PPEF1: variants seen among roughly 807,000 people sequenced by gnomAD.
The protein encoded by PPEF1 is serine/threonine-protein phosphatase with EF-hands 1.
Under a neutral mutation model 53.3 loss-of-function variants are expected in PPEF1, and 12 were observed. The ratio of observed to expected loss-of-function variants is 0.23; its 90% CI spans 0.14 to 0.36. PPEF1 has a LOEUF of 0.36. PPEF1 is among the 10% of genes least tolerant of loss of function. PPEF1 has a pLI of 1.00. For synonymous variants in PPEF1, 165 were observed against 176.7 expected (o/e 0.93, Z 0.52); for missense variants, 334 against 490.4 (o/e 0.68, Z 3.01).
At chrX:18,806,019 G>A (rs2046654109) in intron 11 of PPEF1, among the ~76,000 whole-genome samples, 1 of 109,771 alleles carries the variant, frequency 9.1e-6, no homozygotes, top group Non-Finnish European at 1.9e-5. Flanking sequence ...GAAAAAAACC[G>A]AAGTACCAGA....
chrX:18,692,878 T>G (rs191736383), intron 4 of PPEF1, among the ~76,000 whole-genome samples: 2 of 111,983 alleles, frequency 1.8e-5, no homozygotes, highest in African/African-American at 6.5e-5. Context: ...TTTTTTCACA[T>G]TTTAGCAGCT....
chrX:18,820,385 ACT>A (rs1224434793), intron 13 of PPEF1, among the ~76,000 whole-genome samples: 2 of 76,732 alleles, frequency 2.6e-5, no homozygotes, highest in African/African-American at 9.0e-5. Flanking sequence ...AGATTAGCAG[ACT>A]CTTTTTTTTT....
At chrX:18,740,704 C>T (rs112926629) in intron 3 of PPEF1, among the ~76,000 whole-genome samples, 39 of 111,527 alleles carry the variant, frequency 3.5e-4, no homozygotes, top group African/African-American at 1.0e-3. Flanking sequence ...CCACTGCACC[C>T]GGCCTCTCTT....
chrX:18,778,870 G>A, intron 6 of PPEF1, 140 bp from the exon 7 acceptor site: 1 of 616,627 alleles, frequency 1.6e-6, no homozygotes, highest in Non-Finnish European at 2.4e-6. Flanking sequence ...ACTGGCTCAA[G>A]CGAGAGAGCA....
intron 8 of PPEF1, among the ~76,000 whole-genome samples, chrX:18,783,253 G>A (rs1275142095): frequency 9.1e-6 from 1 of 109,878 alleles, no homozygotes; most frequent in African/African-American, 3.3e-5. Context: ...AACTGGCCCC[G>A]GGATGAGGAG....
chrX:18,827,649 C>G lies in PPEF1; in HGVS notation c.*162C>G, dbSNP rs1488314639. 2.2e-6 allele frequency: 1 copy of G among 455,097 alleles called. No individual in the cohort carries two copies. The highest frequency in any genetic ancestry group is 2.5e-5 in the African/African-American group (1 of 40,612). 37.5% of individuals were successfully genotyped at this position (455,097 alleles called of 1,213,427 possible). A position where few individuals can be genotyped will look rare whatever the true frequency, so the allele number is the denominator to read the frequency against. ...TAGTATGGGTTTTGGAAGTCCCTAG[C>G]AAGCTGTTATTGGTAAGATTAGGTT... On this transcript the variant is annotated 3_prime_UTR_variant, in exon 16 of 16. Coordinates refer to ENST00000470157, the MANE Select transcript of PPEF1 (RefSeq NM_001377996.1).
At chrX:18,735,415 T>C (rs2044952099) in intron 3 of PPEF1, among the ~76,000 whole-genome samples, 1 of 112,053 alleles carries the variant, frequency 8.9e-6, no homozygotes, top group Admixed American at 9.5e-5. Context: ...GTTTGTCAGG[T>C]TTGTCAAATA....
chrX:18,760,430 G>A (rs1398041975), intron 5 of PPEF1, among the ~76,000 whole-genome samples: 2 of 110,767 alleles, frequency 1.8e-5, no homozygotes, highest in African/African-American at 6.6e-5. Context: ...TTAAAAACAC[G>A]GCTTTAAAAA....
Position 18,827,555 on chromosome X carries a change from C to A in PPEF1, c.*68C>A. The A allele has an allele frequency of 2.3e-6, 2 of 868,817 alleles. No individual in the cohort carries two copies. Among genetic ancestry groups the A allele is most frequent in the African/African-American group, 2.0e-5 (1 of 50,122 alleles). 71.6% of individuals were successfully genotyped at this position (868,817 alleles called of 1,213,427 possible). On this transcript the variant is annotated 3_prime_UTR_variant, in exon 16 of 16. Coordinates refer to ENST00000470157, the MANE Select transcript of PPEF1 (RefSeq NM_001377996.1). ...CCCAAATCACAAGTACAGTCCTTTC[C>A]AACACCCCTGAAATTCATAGTCAGT...
chrX:18,680,554 G>A (rs2096255850), upstream of PPEF1, among the ~76,000 whole-genome samples: 1 of 105,769 alleles, frequency 9.5e-6, no homozygotes, highest in African/African-American at 3.4e-5. Context: ...TCAGCATCCC[G>A]AGTAGCTGGG....
chrX:18,789,267 G>C lies in PPEF1; in HGVS notation c.1059G>C (p.Trp353Cys). ...SPTEHLTEHE[W>C]EQIIDILWSD... ...CTGAACACTTAACAGAGCATGAATG[G>C]GAACAGGTAGGTAATCAGGGTGTTC... Residue 353 changes from tryptophan to cysteine, a missense_variant, in exon 10 of 16, where the codon TGG becomes TGC. Physicochemically the swap from Trp to Cys is radical, Grantham distance 215 (BLOSUM62 -2). Transcript: ENST00000470157. The C allele has an allele frequency of 8.3e-7, 1 of 1,207,753 alleles. No individual in the cohort carries two copies. The highest frequency in any genetic ancestry group is 1.7e-5 in the African/African-American group (1 of 57,752).
At chrX:18,792,487 G>A (rs1451144395) in intron 10 of PPEF1, among the ~76,000 whole-genome samples, 7 of 110,570 alleles carry the variant, frequency 6.3e-5, no homozygotes, top group Admixed American at 3.8e-4. Context: ...TATCTAATTT[G>A]TTGACCTAAA....
At chrX:18,724,886 T>G (rs2044671759) in intron 1 of PPEF1, among the ~76,000 whole-genome samples, 1 of 110,982 alleles carries the variant, frequency 9.0e-6, no homozygotes, top group African/African-American at 3.3e-5. Flanking sequence ...AGCTGGCTAG[T>G]GCTGTCCTGT....
intron 10 of PPEF1, 83 bp downstream of exon 10, chrX:18,789,356 A>G: frequency 1.0e-6 from 1 of 961,141 alleles, no homozygotes; most frequent in East Asian, 3.2e-5. Flanking sequence ...ATAAAAAGTG[A>G]CTTTACCTTT....
At chrX:18,758,301 A>G (rs773888617) in intron 5 of PPEF1, among the ~76,000 whole-genome samples, 1 of 112,193 alleles carries the variant, frequency 8.9e-6, no homozygotes, top group South Asian at 3.8e-4. Context: ...AACAGTACAC[A>G]TTGAAATTCC....
At chrX:18,704,475 C>T (rs943766438), upstream of PPEF1, among the ~76,000 whole-genome samples, 4 of 110,066 alleles carry the variant, frequency 3.6e-5, no homozygotes, top group Non-Finnish European at 7.6e-5. Context: ...TGTGAGCACT[C>T]GAGTTGGAGA....
chrX:18,744,531 C>A (rs190632475), intron 3 of PPEF1, among the ~76,000 whole-genome samples: 2 of 111,949 alleles, frequency 1.8e-5, no homozygotes, highest in African/African-American at 6.5e-5. Flanking sequence ...CATACATAGC[C>A]ATAGGTTTAA....
intron 6 of PPEF1, among the ~76,000 whole-genome samples, chrX:18,775,942 C>T (rs1269733281): frequency 1.0e-5 from 1 of 98,757 alleles, no homozygotes; most frequent in Non-Finnish European, 2.1e-5. Context: ...TCAGCTCCCC[C>T]TGCCTCCAAA....
intron 3 of PPEF1, among the ~76,000 whole-genome samples, chrX:18,739,168 T>C (rs2147407035): frequency 8.9e-6 from 1 of 112,954 alleles, no homozygotes; most frequent in Non-Finnish European, 1.9e-5. Flanking sequence ...CTTTGTTCCA[T>C]TGCTGGCGAG....
Sources: allele counts gnomAD v4.1 joint callset (sites outside exome capture counted in the v4.1 genomes callset), GRCh38; gene constraint gnomAD v4.1.1; transcripts MANE v1.5; gene names NCBI Gene and HGNC (gene_info 2026-07-23, HGNC 2026-07-21).